The following EPHA2 variants were observed in gnomAD, a reference collection of about 807,000 sequenced individuals.
The protein encoded by EPHA2 is ephrin type-A receptor 2.
EPHA2 carries 54 observed loss-of-function variants against 104.9 expected under a neutral mutation model. The ratio of observed to expected loss-of-function variants is 0.51; its 90% CI spans 0.41 to 0.65. The LOEUF (loss-of-function observed/expected upper bound fraction) is 0.65, where lower values mean the gene tolerates loss of function less well. EPHA2 is among the 30% of genes least tolerant of loss of function. EPHA2 has a pLI of 0.00. For synonymous variants in EPHA2, 560 were observed against 559.1 expected, an observed-to-expected ratio of 1.00 and a Z score of -0.02; for missense variants, 1,117 against 1,369.5, an observed-to-expected ratio of 0.82 and a Z score of 2.91.
intron 2 of EPHA2, 39 bp from the exon 3 acceptor site, chr1:16,149,086 T>C (rs763710797): frequency 2.5e-5 from 40 of 1,604,298 alleles, no homozygotes; most frequent in Non-Finnish European, 3.3e-5. Context: ...GGCAGGTGCC[T>C]GGGGAAACTG....
chr1:16,147,266 G>T lies in EPHA2; in HGVS notation c.823+1112C>A, dbSNP rs542831933. Among the ~76,000 whole-genome samples, 58 of 152,302 alleles carry T rather than the reference G, an allele frequency of 3.8e-4. 1 individual carries two copies. Among genetic ancestry groups the T allele is most frequent in the African/African-American group, 1.4e-3 (57 of 41,568 alleles). On this transcript the variant is annotated intron_variant, in intron 3 of 16. Transcript: ENST00000358432. The stretch of plus-strand genomic sequence containing the variant: ...TGTGTCATCTATAGAGGCCCCAGTG[G>T]AAAATCAATAGAGGTCCCAATGGGA...
At chr1:16,127,781 C>A (rs1239843297) in intron 16 of EPHA2, among the ~76,000 whole-genome samples, 2 of 152,182 alleles carry the variant, frequency 1.3e-5, no homozygotes, top group African/African-American at 4.8e-5. Context: ...TGACTTCCTG[C>A]CTTTATCCAG....
At chr1:16,146,013 C>CGGCGCCTGCCCCTCG (rs2024925493) in intron 3 of EPHA2, among the ~76,000 whole-genome samples, 4 of 152,210 alleles carry the variant, frequency 2.6e-5, no homozygotes, top group African/African-American at 9.7e-5. Context: ...GCCCCTCGGA[C>CGGCGCCTGCCCCTCG]GACACCCGTC....
At chr1:16,142,194 C>T (rs941434079) in intron 3 of EPHA2, among the ~76,000 whole-genome samples, 1 of 152,232 alleles carries the variant, frequency 6.6e-6, no homozygotes, top group Non-Finnish European at 1.5e-5. Flanking sequence ...ATTCCTGGCC[C>T]CCCGGCCCCC....
rs537484857 is a variant in EPHA2 at position 16,138,695 on chromosome 1, C to T, written c.824-265G>A. Among the ~76,000 whole-genome samples, 137 of 152,360 alleles carry T rather than the reference C, an allele frequency of 9.0e-4. 1 individual carries two copies. Among genetic ancestry groups the T allele is most frequent in the African/African-American group, 3.1e-3 (127 of 41,584 alleles). Reference sequence around the variant, plus strand: ...CCACTGGCTCCTGCAAGAAGCACCACGCCCCTGAGCCTGGCATTCAAGGCC... The same window carrying T: ...CCACTGGCTCCTGCAAGAAGCACCATGCCCCTGAGCCTGGCATTCAAGGCC... On this transcript the variant is annotated intron_variant, in intron 3 of 16. Transcript: ENST00000358432.
In EPHA2 at chr1:16,131,225, G is replaced by A. The variant is rs1285533157; in HGVS notation, c.2475+496C>T. ...ACACCCCACTCCTTTTTTCATCTCT[G>A]CACTCTCTGAATCAGCTCCTGGAAC... is the stretch of plus-strand genomic sequence containing the variant. On this transcript the variant is annotated intron_variant, in intron 14 of 16. Coordinates refer to ENST00000358432, the MANE Select transcript of EPHA2 (RefSeq NM_004431.5). The surrounding 1 kb of genome is among the most constrained non-coding windows in gnomAD (Gnocchi z 5.2). 6.6e-6 allele frequency among the ~76,000 whole-genome samples: 1 copy of A among 151,918 alleles called. No individual in the cohort carries two copies. Among genetic ancestry groups the A allele is most frequent in the Admixed American group, 6.6e-5 (1 of 15,218 alleles).
intron 1 of EPHA2, among the ~76,000 whole-genome samples, chr1:16,152,367 C>T (rs913755930): frequency 4.6e-5 from 7 of 152,112 alleles, no homozygotes; most frequent in Admixed American, 2.0e-4. Flanking sequence ...CAGGCTGGGG[C>T]GTGAAATGCT....
rs2124259731 is a variant in EPHA2 at position 16,148,332 on chromosome 1, TG to T, written c.823+45del. On this transcript the variant is annotated intron_variant, in intron 3 of 16. Transcript: ENST00000358432. This position sits in a 1 kb window ranked among gnomAD's most constrained non-coding sequence, Gnocchi z 4.9. ...GATTCCAAAGCTAAAGACCAGAACCTGGGAATGCAGAACCCCCTTCCCTGCA... is the reference window on the plus strand; with the variant it reads ...GATTCCAAAGCTAAAGACCAGAACCTGGAATGCAGAACCCCCTTCCCTGCA... 6.3e-7 allele frequency: 1 copy of T among 1,590,292 alleles called. No homozygotes were observed. Among genetic ancestry groups the T allele is most frequent in the Non-Finnish European group, 8.5e-7 (1 of 1,170,484 alleles).
chr1:16,132,315 C>T, intron 12 of EPHA2, 42 bp from the exon 13 acceptor site: 1 of 1,614,028 alleles, frequency 6.2e-7, no homozygotes, highest in African/African-American at 1.3e-5. Flanking sequence ...AGCCCTGAAC[C>T]CGCCAGGCCA....
At chr1:16,141,850 C>A (rs1017732037) in intron 3 of EPHA2, among the ~76,000 whole-genome samples, 2 of 152,226 alleles carry the variant, frequency 1.3e-5, no homozygotes, top group Admixed American at 1.3e-4. Flanking sequence ...AGAGAGGCAG[C>A]GTCAACAGGG....
intron 3 of EPHA2, among the ~76,000 whole-genome samples, chr1:16,141,154 G>A (rs1403366852): frequency 6.6e-6 from 1 of 152,230 alleles, no homozygotes; most frequent in Non-Finnish European, 1.5e-5. Context: ...AGAAACTCCT[G>A]ACGAATTTCA....
Position 16,131,918 on chromosome 1 carries a change from CA to C in EPHA2, c.2326-49del, listed in dbSNP as rs760329954. 58 of 1,606,034 alleles carry C rather than the reference CA, an allele frequency of 3.6e-5. No individual in the cohort carries two copies. The East Asian group carries it at 7.4e-4, about 21-fold the overall frequency. On this transcript the variant is annotated intron_variant, in intron 13 of 16. Coordinates refer to ENST00000358432, the MANE Select transcript of EPHA2 (RefSeq NM_004431.5). The surrounding 1 kb of genome is among the most constrained non-coding windows in gnomAD (Gnocchi z 5.2). ...CACCACTGTGCCCTCTGGCTGGCCC[CA>C]GGACCATTGCAGCCAAGCCCCACGA...
Position 16,124,935 on chromosome 1 carries a change from G to A in EPHA2, c.*280C>T. ...GAATATCCCATATGTCTGTCCGAAG[G>A]CTGTGGCGGGGCTCCTGCTCCAGGG... On this transcript the variant is annotated 3_prime_UTR_variant, in exon 17 of 17. Coordinates refer to ENST00000358432, the MANE Select transcript of EPHA2 (RefSeq NM_004431.5). 4.1e-6 allele frequency: 2 copies of A among 482,708 alleles called. No homozygotes were observed. The highest frequency in any genetic ancestry group is 7.6e-6 in the Non-Finnish European group (2 of 261,934). 29.9% of individuals were successfully genotyped at this position (482,708 alleles called of 1,614,324 possible).
chr1:16,130,330 C>A lies in EPHA2; in HGVS notation c.2565G>T (p.Gln855His). The stretch of plus-strand genomic sequence containing the variant: ...ACTTGGGGCGGCGGGCACGCTCCTG[C>A]TGCCAGCACTGCATCATGAGCTGGT... ...AIYQLMMQCW[Q>H]QERARRPKFA... Residue 855 changes from glutamine to histidine, a missense_variant, in exon 15 of 17, where the codon CAG becomes CAT. Gln to His is a conservative substitution (Grantham distance 24, BLOSUM62 0). Around this residue, in one of 3 missense-constraint regions of EPHA2, gnomAD observed 340 missense variants for 480.5 expected, o/e 0.71. Transcript: ENST00000358432. This position sits in a 1 kb window ranked among gnomAD's most constrained non-coding sequence, Gnocchi z 4.5. 1 of 1,602,542 alleles carries A rather than the reference C, an allele frequency of 6.2e-7. No individual in the cohort carries two copies. Among genetic ancestry groups the A allele is most frequent in the Non-Finnish European group, 8.5e-7 (1 of 1,171,710 alleles).
chr1:16,151,062 G>C, intron 1 of EPHA2, 99 bp from the exon 2 acceptor site: 1 of 1,201,310 alleles, frequency 8.3e-7, no homozygotes, highest in South Asian at 1.2e-5. Context: ...CCAACTCTCA[G>C]ACAGAGCGAG....
rs2124208061 is a variant in EPHA2, at chr1:16,133,685, C to T, written c.1739-79G>A. On this transcript the variant is annotated intron_variant, in intron 9 of 16. Coordinates refer to ENST00000358432, the MANE Select transcript of EPHA2 (RefSeq NM_004431.5). ...GTGCTCTGGAGTCAGAGGAGAAGGT[C>T]ACGTGATCTTCAGAGACTTGGACCA... The T allele has an allele frequency of 3.1e-6, 5 of 1,597,044 alleles. No individual in the cohort carries two copies. The East Asian group carries it at 6.7e-5, about 21-fold the overall frequency.
intron 3 of EPHA2, among the ~76,000 whole-genome samples, chr1:16,145,266 G>A (rs557938254): frequency 2.6e-5 from 4 of 152,310 alleles, no homozygotes; most frequent in Admixed American, 6.5e-5. Context: ...CACTGTCCCC[G>A]CAGGCAGGGC....
intron 1 of EPHA2, among the ~76,000 whole-genome samples, chr1:16,152,479 C>T (rs2025060114): frequency 1.5e-5 from 2 of 134,386 alleles, no homozygotes; most frequent in African/African-American, 5.4e-5. Flanking sequence ...ATGACAGAGG[C>T]TGTGGGGATA....
chr1:16,132,077 G>A lies in EPHA2; in HGVS notation c.2312C>T (p.Thr771Ile), dbSNP rs2024580421. 2.5e-6 allele frequency: 4 copies of A among 1,613,914 alleles called. No individual in the cohort carries two copies. The East Asian group carries it at 6.7e-5, about 27-fold the overall frequency. ...TCCCCAACTTACACTGGTGGTGTAG[G>A]TGGCCTCGGGGTCGTCCTCCAGCAC... The part of the protein sequence containing the change: ...SRVLEDDPEA[T>I]YTTSGGKIPI... Residue 771 changes from threonine (T) to isoleucine (I), a missense_variant, in exon 13 of 17, where the codon ACC (threonine) becomes ATC (isoleucine). Around this residue, in one of 3 missense-constraint regions of EPHA2, gnomAD observed 340 missense variants for 480.5 expected, o/e 0.71. Transcript: ENST00000358432.
Sources: gnomAD v4.1 joint callset for allele counts (sites outside exome capture counted in the v4.1 genomes callset) on GRCh38, gnomAD v4.1.1 for gene constraint, gnomAD v4.1.1 regional missense constraint, Gnocchi (gnomAD v3.1) non-coding constraint, MANE v1.5 for transcripts, NCBI Gene and HGNC (gene_info 2026-07-23, HGNC 2026-07-21) for gene names.